RBFOX1: variants seen among roughly 807,000 people sequenced by gnomAD.
RBFOX1 encodes the protein RNA binding fox-1 homolog 1, also known as RNA binding protein fox-1 homolog 1.
RBFOX1 carries 8 observed loss-of-function variants against 57.7 expected under a neutral mutation model. The ratio of observed to expected loss-of-function variants is 0.14; its 90% CI spans 0.08 to 0.25. The LOEUF is 0.25. Ranked by LOEUF, RBFOX1 falls within the 10% of genes least tolerant of loss-of-function variation. The probability of loss-of-function intolerance (pLI) is 1.00; values close to 1 mark genes in which losing one functional copy is unlikely to be tolerated. For synonymous variants in RBFOX1, 326 were observed against 222.4 expected (o/e 1.47, Z -4.15); for missense variants, 611 against 548.5 (o/e 1.11, Z -1.14).
chr16:6,986,343 C>A (rs544322065), intron 3 of RBFOX1, among the ~76,000 whole-genome samples: 1 of 152,028 alleles, frequency 6.6e-6, no homozygotes, highest in East Asian at 1.9e-4. Context: ...GGATTGCAGG[C>A]GTCTGCCACC....
chr16:5,523,596 G>C (rs1330592777), intron 2 of RBFOX1, among the ~76,000 whole-genome samples: 1 of 151,462 alleles, frequency 6.6e-6, no homozygotes, highest in Non-Finnish European at 1.5e-5. Flanking sequence ...CAGCCTGGAT[G>C]ACAAAGTGAG....
chr16:7,038,255 G>T (rs2045126669), intron 3 of RBFOX1, among the ~76,000 whole-genome samples: 1 of 152,106 alleles, frequency 6.6e-6, no homozygotes, highest in Admixed American at 6.6e-5. Context: ...ACATTTTGGT[G>T]AGTATTGCTT....
intron 1 of RBFOX1, among the ~76,000 whole-genome samples, chr16:5,392,275 C>G (rs897331963): frequency 2.0e-5 from 3 of 151,948 alleles, no homozygotes; most frequent in Non-Finnish European, 4.4e-5. Context: ...CCTCTAAAAC[C>G]TATGGAAATA....
At chr16:6,593,046 G>A (rs1026365508) in intron 2 of RBFOX1, among the ~76,000 whole-genome samples, 1 of 152,192 alleles carries the variant, frequency 6.6e-6, no homozygotes, top group Admixed American at 6.5e-5. Flanking sequence ...ACAAAAGTTA[G>A]CTGGGTGTGG....
chr16:7,623,492 G>T (rs191882188), intron 10 of RBFOX1, among the ~76,000 whole-genome samples: 2 of 152,102 alleles, frequency 1.3e-5, no homozygotes, highest in Non-Finnish European at 2.9e-5. Context: ...CCCTAGCTCA[G>T]TTCACAATAA....
intron 3 of RBFOX1, among the ~76,000 whole-genome samples, chr16:6,886,908 G>T (rs1436908839): frequency 1.3e-5 from 2 of 152,180 alleles, no homozygotes; most frequent in African/African-American, 2.4e-5. Flanking sequence ...CTTAGCCAAT[G>T]AGGTCAGGTG....
At chr16:7,210,624 C>G (rs2090943427) in intron 4 of RBFOX1, among the ~76,000 whole-genome samples, 1 of 152,180 alleles carries the variant, frequency 6.6e-6, no homozygotes, top group African/African-American at 2.4e-5. Context: ...ATGATGATGA[C>G]AACTGCTACT....
chr16:6,401,654 T>C (rs2093073492), intron 2 of RBFOX1, among the ~76,000 whole-genome samples: 3 of 152,152 alleles, frequency 2.0e-5, no homozygotes, highest in Admixed American at 2.0e-4. Flanking sequence ...TCAAATCCCT[T>C]GTATAATGGA....
intron 3 of RBFOX1, among the ~76,000 whole-genome samples, chr16:5,663,057 T>C (rs2049710288): frequency 6.6e-6 from 1 of 152,130 alleles, no homozygotes; most frequent in South Asian, 2.1e-4. Flanking sequence ...GATTGTCACA[T>C]CTGGGGCAGG....
chr16:6,209,425 T>C (rs977914456), intron 1 of RBFOX1, among the ~76,000 whole-genome samples: 9 of 152,222 alleles, frequency 5.9e-5, no homozygotes, highest in Non-Finnish European at 1.3e-4. Flanking sequence ...CAAACTTCCT[T>C]GTTAATCCGT....
intron 3 of RBFOX1, among the ~76,000 whole-genome samples, chr16:6,859,196 T>TAC (rs1491356933): frequency 8.3e-5 from 8 of 96,098 alleles, no homozygotes; most frequent in Middle Eastern, 5.3e-3. Flanking sequence ...TATATATATA[T>TAC]GTATATATAT....
chr16:7,504,733 A>ATATT (rs1567553552), intron 4 of RBFOX1, among the ~76,000 whole-genome samples: 1 of 7,622 alleles, frequency 1.3e-4, no homozygotes, highest in African/African-American at 3.0e-4. Context: ...ATATATATAT[A>ATATT]TATATATATA....
At chr16:6,479,919 C>T (rs1463603515) in intron 2 of RBFOX1, among the ~76,000 whole-genome samples, 3 of 151,654 alleles carry the variant, frequency 2.0e-5, no homozygotes, top group South Asian at 2.1e-4. Context: ...GGCATGGTGG[C>T]GGGTACCTAT....
intron 2 of RBFOX1, among the ~76,000 whole-genome samples, chr16:6,407,357 A>G (rs1305548899): frequency 6.6e-6 from 1 of 151,856 alleles, no homozygotes; most frequent in African/African-American, 2.4e-5. Flanking sequence ...GTCTATGTAT[A>G]TATCTATATC....
intron 2 of RBFOX1, among the ~76,000 whole-genome samples, chr16:6,643,137 A>G (rs2154075698): frequency 6.6e-6 from 1 of 152,338 alleles, no homozygotes. Flanking sequence ...AGTAATTAAA[A>G]CATGCAGTCA....
chr16:7,176,481 C>T (rs1025173146), intron 4 of RBFOX1, among the ~76,000 whole-genome samples: 2 of 152,014 alleles, frequency 1.3e-5, no homozygotes, highest in African/African-American at 4.8e-5. Flanking sequence ...TGTCAGTAAA[C>T]TATACCTCTC....
intron 4 of RBFOX1, among the ~76,000 whole-genome samples, chr16:7,185,797 T>C (rs1227393271): frequency 6.6e-6 from 1 of 152,196 alleles, no homozygotes; most frequent in African/African-American, 2.4e-5. Flanking sequence ...CATATGAAGA[T>C]CTGAGCATCA....
chr16:6,042,587 T>C (rs1485390883), intron 1 of RBFOX1, among the ~76,000 whole-genome samples: 1 of 152,112 alleles, frequency 6.6e-6, no homozygotes, highest in Admixed American at 6.5e-5. Context: ...GGAATGTTGA[T>C]TAAAAAAAGA....
intron 3 of RBFOX1, among the ~76,000 whole-genome samples, chr16:6,703,381 C>T (rs8054919): frequency 0.1 from 15,379 of 151,768 alleles, 1,257 homozygotes; most frequent in African/African-American, 0.23. Flanking sequence ...TGAGGCCAGC[C>T]TAGGCAACAT....
Sources: allele counts gnomAD v4.1 joint callset (sites outside exome capture counted in the v4.1 genomes callset), GRCh38; gene constraint gnomAD v4.1.1; transcripts MANE v1.5; gene names NCBI Gene and HGNC (gene_info 2026-07-23, HGNC 2026-07-21).